The following KCNJ6 variants were observed in gnomAD, a reference collection of about 807,000 sequenced individuals.
KCNJ6 encodes potassium inwardly rectifying channel subfamily J member 6.
KCNJ6 carries 9 observed loss-of-function variants against 34.2 expected under a neutral mutation model. The observed-to-expected ratio is 0.26, with a 90% CI of 0.16 to 0.46. KCNJ6 has a LOEUF of 0.46. Ranked by LOEUF, KCNJ6 falls within the 20% of genes least tolerant of loss-of-function variation. KCNJ6 has a pLI of 1.00. For missense variants in KCNJ6, 236 were observed against 531.3 expected, an observed-to-expected ratio of 0.44 and a Z score of 5.46; for synonymous variants, 196 against 207.1, an observed-to-expected ratio of 0.95 and a Z score of 0.46.
At chr21:37,851,312 A>G (rs2123590980) in intron 1 of KCNJ6, among the ~76,000 whole-genome samples, 1 of 152,346 alleles carries the variant, frequency 6.6e-6, no homozygotes, top group African/African-American at 2.4e-5. Flanking sequence ...CTTGTTCCCT[A>G]CGCATGCAAA....
intron 1 of KCNJ6, among the ~76,000 whole-genome samples, chr21:37,844,297 A>G (rs2055495687): frequency 6.6e-6 from 1 of 151,992 alleles, no homozygotes; most frequent in African/African-American, 2.4e-5. Context: ...TGACCTCGTG[A>G]TCCGCCCACC....
intron 3 of KCNJ6, among the ~76,000 whole-genome samples, chr21:37,634,716 A>G (rs796814731): frequency 2.0e-4 from 31 of 152,336 alleles, no homozygotes; most frequent in African/African-American, 6.3e-4. Flanking sequence ...TGAAGTTAAA[A>G]TAAGCATAAG....
At chr21:37,650,786 G>T (rs557830575) in intron 3 of KCNJ6, among the ~76,000 whole-genome samples, 1 of 152,244 alleles carries the variant, frequency 6.6e-6, no homozygotes, top group East Asian at 1.9e-4. Flanking sequence ...TCAGTCTCTG[G>T]CGTTTAGTAA....
intron 1 of KCNJ6, among the ~76,000 whole-genome samples, chr21:37,876,955 C>T (rs1189878816): frequency 6.6e-6 from 1 of 152,180 alleles, no homozygotes; most frequent in Non-Finnish European, 1.5e-5. Flanking sequence ...TCTGTAGCTT[C>T]ACTATTTAGT....
At chr21:37,751,100 AT>A (rs559506944) in intron 2 of KCNJ6, among the ~76,000 whole-genome samples, 2 of 152,190 alleles carry the variant, frequency 1.3e-5, no homozygotes, top group African/African-American at 4.8e-5. Context: ...AGTAGGGAAT[AT>A]TTTTGAGGGT....
intron 1 of KCNJ6, among the ~76,000 whole-genome samples, chr21:37,841,053 C>T (rs2055478198): frequency 6.6e-6 from 1 of 152,046 alleles, no homozygotes; most frequent in African/African-American, 2.4e-5. Flanking sequence ...TCTGTTTCCC[C>T]CCATTGAAGC....
At chr21:37,835,035 A>C (rs189063513) in intron 2 of KCNJ6, among the ~76,000 whole-genome samples, 1 of 152,290 alleles carries the variant, frequency 6.6e-6, no homozygotes, top group Admixed American at 6.5e-5. Flanking sequence ...ATGGCTCATG[A>C]CAACAACCCC....
intron 3 of KCNJ6, among the ~76,000 whole-genome samples, chr21:37,696,501 C>T (rs1310642841): frequency 6.6e-6 from 1 of 152,030 alleles, no homozygotes; most frequent in Non-Finnish European, 1.5e-5. Context: ...GCTCTATAGT[C>T]TTCAAAAAAT....
intron 1 of KCNJ6, among the ~76,000 whole-genome samples, chr21:37,913,092 G>T (rs1415130020): frequency 6.6e-6 from 1 of 152,212 alleles, no homozygotes; most frequent in Non-Finnish European, 1.5e-5. Flanking sequence ...TTTCAAATAT[G>T]ACTGTCACCT....
At chr21:37,804,343 C>T (rs552628041) in intron 2 of KCNJ6, among the ~76,000 whole-genome samples, 139 of 152,290 alleles carry the variant, frequency 9.1e-4, no homozygotes, top group African/African-American at 3.1e-3. Flanking sequence ...GTGCATACCC[C>T]CCAAAATTAA....
chr21:37,662,051 C>A (rs1236823242), intron 3 of KCNJ6, among the ~76,000 whole-genome samples: 1 of 152,068 alleles, frequency 6.6e-6, no homozygotes, highest in Non-Finnish European at 1.5e-5. Flanking sequence ...TAGAAGAAAA[C>A]AATTTAATCC....
intron 1 of KCNJ6, among the ~76,000 whole-genome samples, chr21:37,867,722 A>G (rs919815902): frequency 3.3e-5 from 5 of 152,246 alleles, no homozygotes; most frequent in African/African-American, 1.2e-4. Context: ...GAAAAACCAT[A>G]TGATAAAAAT....
chr21:37,837,774 G>A (rs570251199), intron 2 of KCNJ6, among the ~76,000 whole-genome samples: 2 of 151,048 alleles, frequency 1.3e-5, no homozygotes, highest in Non-Finnish European at 3.0e-5. Context: ...TTTATTGTGT[G>A]GTAATTATAT....
In KCNJ6 at chr21:37,906,750, A is replaced by T. The variant is rs547809870; in HGVS notation, c.-28+9134T>A. 2.0e-5 allele frequency among the ~76,000 whole-genome samples: 3 copies of T among 152,318 alleles called. 1 individual carries two copies. The South Asian group carries it at 6.2e-4, about 32-fold the overall frequency. On this transcript the variant is annotated intron_variant, in intron 1 of 3. Transcript: ENST00000609713. The stretch of plus-strand genomic sequence containing the variant: ...CCCAACACTCCTTGAGTGCTGATTA[A>T]AAAAGAGGGCCACCTAATGCGGCCT...
chr21:37,694,421 A>C (rs756486198), intron 3 of KCNJ6, among the ~76,000 whole-genome samples: 1 of 152,196 alleles, frequency 6.6e-6, no homozygotes, highest in Non-Finnish European at 1.5e-5. Flanking sequence ...GGTATCTTTC[A>C]ATACTGCCTG....
At chr21:37,898,762 G>T (rs1195688046) in intron 1 of KCNJ6, among the ~76,000 whole-genome samples, 2 of 152,238 alleles carry the variant, frequency 1.3e-5, no homozygotes, top group Non-Finnish European at 2.9e-5. Flanking sequence ...CCATCTGCAG[G>T]TAATATCAAA....
intron 3 of KCNJ6, among the ~76,000 whole-genome samples, chr21:37,633,601 T>C (rs955629267): frequency 9.2e-5 from 14 of 152,172 alleles, no homozygotes; most frequent in African/African-American, 3.1e-4. Flanking sequence ...TTACTAAGAA[T>C]GTTTAGCAAG....
chr21:37,648,903 G>A (rs190298100), intron 3 of KCNJ6, among the ~76,000 whole-genome samples: 439 of 152,024 alleles, frequency 2.9e-3, no homozygotes, highest in African/African-American at 9.9e-3. Flanking sequence ...AGGCTAAGGC[G>A]GGCAGATCAC....
Position 37,876,045 on chromosome 21 carries a change from T to C in KCNJ6, c.-27-35336A>G, listed in dbSNP as rs887284146. Among the ~76,000 whole-genome samples the C allele has an allele frequency of 2.0e-5, 3 of 152,234 alleles. No individual in the cohort carries two copies. In the East Asian group the frequency reaches 5.8e-4, roughly 29 times the overall value. Reference sequence around the variant, plus strand: ...CAGCTATATAATTTGTGGGGCCTAGTGTAAAACAAAAATGCAGGGCCCTTT... The same window carrying C: ...CAGCTATATAATTTGTGGGGCCTAGCGTAAAACAAAAATGCAGGGCCCTTT... On this transcript the variant is annotated intron_variant, in intron 1 of 3. Transcript: ENST00000609713.
Sources: allele counts gnomAD v4.1 joint callset (sites outside exome capture counted in the v4.1 genomes callset), GRCh38; gene constraint gnomAD v4.1.1; transcripts MANE v1.5; gene names NCBI Gene and HGNC (gene_info 2026-07-23, HGNC 2026-07-21).